The following CACNA1A variants were observed in gnomAD, a reference collection of about 807,000 sequenced individuals.
The protein encoded by CACNA1A is calcium voltage-gated channel subunit alpha1 A.
In CACNA1A, 57 loss-of-function variants were observed where a neutral mutation model predicts 262.4. The ratio of observed to expected loss-of-function variants is 0.22; its 90% confidence interval spans 0.18 to 0.27. CACNA1A has a LOEUF of 0.27. Among genes scored for constraint, CACNA1A ranks in the 10% least tolerant of loss-of-function variants. The probability of loss-of-function intolerance (pLI) is 1.00; values close to 1 mark genes in which losing one functional copy is unlikely to be tolerated. For missense variants in CACNA1A, 2,526 were observed against 3,562.8 expected (o/e 0.71, Z 7.41); for synonymous variants, 1,431 against 1,419.3 (o/e 1.01, Z -0.18).
chr19:13,343,755 TG>T (rs200318139), intron 6 of CACNA1A, among the ~76,000 whole-genome samples: 2,372 of 152,164 alleles, frequency 0.016, 67 homozygotes, highest in African/African-American at 0.054. Context: ...GAAATTAAGA[TG>T]GAGACTTAAA....
At chr19:13,493,674 T>A (rs4926295) in intron 1 of CACNA1A, among the ~76,000 whole-genome samples, 109,330 of 152,230 alleles carry the variant, frequency 0.72, 40,267 homozygotes, top group African/African-American at 0.88. Context: ...AATTATGGGC[T>A]TGGAGTGCCA....
At chr19:13,476,994 G>C (rs1978629076) in intron 1 of CACNA1A, among the ~76,000 whole-genome samples, 1 of 152,088 alleles carries the variant, frequency 6.6e-6, no homozygotes, top group Non-Finnish European at 1.5e-5. Context: ...CTCCCTCAGA[G>C]CAAAAGCCAA....
At chr19:13,315,518 T>G (rs62109071) in intron 11 of CACNA1A, 3 of 151,986 alleles carry the variant, frequency 2.0e-5, no homozygotes. Flanking sequence ...CTGTACAAGA[T>G]GATTAGTAGA....
chr19:13,376,732 T>C (rs1011135287), intron 3 of CACNA1A, among the ~76,000 whole-genome samples: 1 of 148,158 alleles, frequency 6.7e-6, no homozygotes, highest in African/African-American at 2.5e-5. Flanking sequence ...ATATGTTATA[T>C]ATGATATATA....
In CACNA1A at chr19:13,265,395, G is replaced by T. The variant is rs113577438; in HGVS notation, c.3990-2562C>A. Among the ~76,000 whole-genome samples, 1,079 of 152,304 alleles carry T rather than the reference G, an allele frequency of 7.1e-3. 16 individuals carry two copies. Among genetic ancestry groups the T allele is most frequent in the African/African-American group, 0.024 (1,004 of 41,564 alleles). On this transcript the variant is annotated intron_variant, in intron 24 of 46. Transcript: ENST00000360228. ...AAAAACATCATTCTTCACACCATTT[G>T]CTTTTTAAAGGACTCCATTTTTTTC...
intron 15 of CACNA1A, among the ~76,000 whole-genome samples, chr19:13,304,172 G>A (rs1413171010): frequency 6.6e-6 from 1 of 152,106 alleles, no homozygotes; most frequent in Non-Finnish European, 1.5e-5. Context: ...CTTACTTGAT[G>A]TGATTAAGGG....
chr19:13,317,483 T>C (rs1258085615), intron 10 of CACNA1A, among the ~76,000 whole-genome samples, 162 bp from the exon 11 acceptor site: 1 of 152,156 alleles, frequency 6.6e-6, no homozygotes, highest in African/African-American at 2.4e-5. Context: ...TAGTTTTGCA[T>C]AGATGGAGCT....
At chr19:13,248,724 T>C (rs752993128) in intron 30 of CACNA1A, among the ~76,000 whole-genome samples, 3 of 151,384 alleles carry the variant, frequency 2.0e-5, no homozygotes, top group Non-Finnish European at 4.4e-5. Flanking sequence ...GCGCCTGTAA[T>C]CCCAACTAGT....
chr19:13,320,626 A>G (rs2058233905), intron 10 of CACNA1A, among the ~76,000 whole-genome samples: 1 of 152,150 alleles, frequency 6.6e-6, no homozygotes, highest in Non-Finnish European at 1.5e-5. Flanking sequence ...GGAGAGGGAA[A>G]TGAATATTAA....
intron 24 of CACNA1A, chr19:13,275,556 G>A (rs779232750): frequency 3.4e-4 from 148 of 439,976 alleles, no homozygotes; most frequent in Non-Finnish European, 1.6e-4. Context: ...ATGTTCCGGC[G>A]AGGCTAGTCT....
intron 1 of CACNA1A, among the ~76,000 whole-genome samples, chr19:13,466,101 A>G (rs1284092762): frequency 2.0e-5 from 3 of 152,172 alleles, no homozygotes; most frequent in Admixed American, 6.5e-5. Context: ...TGGTAGTTAC[A>G]TAACAGTTGG....
chr19:13,330,757 A>C (rs1268449054), intron 9 of CACNA1A, among the ~76,000 whole-genome samples: 1 of 151,966 alleles, frequency 6.6e-6, no homozygotes, highest in Non-Finnish European at 1.5e-5. Flanking sequence ...CGCCTGGCTA[A>C]TTTTTGTATT....
At chr19:13,292,520 G>A (rs2057565720) in intron 19 of CACNA1A, among the ~76,000 whole-genome samples, 1 of 152,040 alleles carries the variant, frequency 6.6e-6, no homozygotes. Context: ...AGGCTGAGGT[G>A]GGAGAATCAC....
chr19:13,340,394 G>A (rs898604205), intron 6 of CACNA1A, among the ~76,000 whole-genome samples: 8 of 150,844 alleles, frequency 5.3e-5, no homozygotes, highest in Non-Finnish European at 8.8e-5. Context: ...CCATCCTCCC[G>A]GGTGAGAAAG....
chr19:13,468,558 G>A (rs2061295024), intron 1 of CACNA1A, among the ~76,000 whole-genome samples: 1 of 152,122 alleles, frequency 6.6e-6, no homozygotes, highest in Admixed American at 6.5e-5. Context: ...AGGCCAAGGT[G>A]GCCGGATCAC....
intron 1 of CACNA1A, among the ~76,000 whole-genome samples, chr19:13,485,535 TA>T (rs1490636994): frequency 7.9e-5 from 12 of 152,166 alleles, no homozygotes; most frequent in African/African-American, 2.9e-4. Flanking sequence ...ATTTTTTTTT[TA>T]AAAGTGACCT....
In CACNA1A at chr19:13,505,422, C is replaced by T. The variant is rs550097597; in HGVS notation, c.293+510G>A. 7.2e-5 allele frequency among the ~76,000 whole-genome samples: 11 copies of T among 152,262 alleles called. No individual in the cohort carries two copies. In the East Asian group the frequency reaches 1.5e-3, roughly 21 times the overall value. On this transcript the variant is annotated intron_variant, in intron 1 of 46. Coordinates refer to ENST00000360228, the MANE Select transcript of CACNA1A (RefSeq NM_001127222.2). ...CCCCAAGCGCCCTGCCCTAAAAGTGCGGCGGCCCCCCACCTTGGGGAAAGC... is the reference window on the plus strand; with the variant it reads ...CCCCAAGCGCCCTGCCCTAAAAGTGTGGCGGCCCCCCACCTTGGGGAAAGC...
intron 3 of CACNA1A, among the ~76,000 whole-genome samples, chr19:13,417,980 G>A (rs532354775): frequency 6.0e-5 from 9 of 150,398 alleles, no homozygotes; most frequent in South Asian, 2.1e-4. Flanking sequence ...GAGCTCTCCC[G>A]GCCCCATGTT....
chr19:13,350,766 G>A (rs903364327), intron 6 of CACNA1A, among the ~76,000 whole-genome samples: 4 of 152,216 alleles, frequency 2.6e-5, no homozygotes, highest in Non-Finnish European at 4.4e-5. Context: ...TGACTCTGGA[G>A]GCTGGGGTGG....
Sources: allele counts gnomAD v4.1 joint callset (sites outside exome capture counted in the v4.1 genomes callset), GRCh38; gene constraint gnomAD v4.1.1; transcripts MANE v1.5; gene names NCBI Gene and HGNC (gene_info 2026-07-23, HGNC 2026-07-21).